The following XPA variants were observed in gnomAD, a reference collection of about 807,000 sequenced individuals.
The protein encoded by XPA is DNA repair protein complementing XP-A cells.
XPA carries 27 observed loss-of-function variants against 35.7 expected under a neutral mutation model. The ratio of observed to expected loss-of-function variants is 0.76; its 90% CI spans 0.56 to 1.04. The LOEUF is 1.04. XPA is among the 50% of genes least tolerant of loss of function. The probability of loss-of-function intolerance (pLI) is 0.00; values close to 1 mark genes in which losing one functional copy is unlikely to be tolerated. For synonymous variants in XPA, 133 were observed against 118.4 expected (o/e 1.12, Z -0.80); for missense variants, 354 against 342.7 (o/e 1.03, Z -0.26).
At chr9:97,684,179 T>C (rs1828634254) in intron 5 of XPA, among the ~76,000 whole-genome samples, 1 of 152,242 alleles carries the variant, frequency 6.6e-6, no homozygotes, top group Non-Finnish European at 1.5e-5. Flanking sequence ...TGACAAACTC[T>C]GACTCCAGAA....
At chr9:97,685,755 C>A (rs1268529694) in intron 4 of XPA, among the ~76,000 whole-genome samples, 1 of 152,144 alleles carries the variant, frequency 6.6e-6, no homozygotes, top group Admixed American at 6.6e-5. Flanking sequence ...TCTGAGACAT[C>A]ACGTTTTCCG....
At chr9:97,675,726 T>G in intron 5 of XPA, 139 bp from the exon 6 acceptor site, 3 of 1,085,312 alleles carry the variant, frequency 2.8e-6, no homozygotes, top group Non-Finnish European at 4.1e-6. Flanking sequence ...ACCTTAATTT[T>G]ATAACAAAGT....
chr9:97,696,885 C>A (rs1370780672), intron 1 of XPA, among the ~76,000 whole-genome samples: 1 of 152,216 alleles, frequency 6.6e-6, no homozygotes, highest in Non-Finnish European at 1.5e-5. Context: ...GAAGAAGGCC[C>A]GGGGCTGGGG....
chr9:97,696,561 C>T (rs1204379698), intron 1 of XPA, among the ~76,000 whole-genome samples: 1 of 152,166 alleles, frequency 6.6e-6, no homozygotes, highest in Non-Finnish European at 1.5e-5. Flanking sequence ...ATTCTGATTG[C>T]TGAATCTCCT....
intron 1 of XPA, among the ~76,000 whole-genome samples, chr9:97,694,642 A>C (rs1828988821): frequency 1.3e-5 from 2 of 152,232 alleles, no homozygotes; most frequent in Admixed American, 1.3e-4. Context: ...GAACAACCAG[A>C]ACTGCCATTT....
chr9:97,668,065 A>T, the XPA span, among the ~76,000 whole-genome samples: 4 of 152,174 alleles, frequency 2.6e-5, no homozygotes, highest in Non-Finnish European at 5.9e-5. Context: ...AGATCAGTAG[A>T]TGGGGCCTTA....
At chr9:97,694,347 A>G (rs1458105250) in intron 1 of XPA, among the ~76,000 whole-genome samples, 1 of 152,258 alleles carries the variant, frequency 6.6e-6, no homozygotes, top group East Asian at 1.9e-4. Context: ...AAACCTTGGA[A>G]AAGGGAGGTC....
chr9:97,680,605 A>G (rs986431863), intron 5 of XPA, among the ~76,000 whole-genome samples: 1 of 152,248 alleles, frequency 6.6e-6, no homozygotes, highest in African/African-American at 2.4e-5. Context: ...GCTTGGCAAA[A>G]TATGTGTGTG....
rs1019535182 is a variant in XPA, at chr9:97,684,921, A to G, written c.673+2T>C. ...TTCACGATATAAAATGTGGCCATCT[A>G]CCTTTTACTTTTTTATCAAATTTCT... On this transcript the variant is annotated splice_donor_variant, in intron 5 of 5. Transcript: ENST00000375128. LOFTEE classifies it high-confidence loss of function. 6.2e-7 allele frequency: 1 copy of G among 1,611,108 alleles called. No homozygotes were observed. The highest frequency in any genetic ancestry group is 8.5e-7 in the Non-Finnish European group (1 of 1,177,596).
chr9:97,680,821 C>T (rs1447088471), intron 5 of XPA, among the ~76,000 whole-genome samples: 1 of 152,132 alleles, frequency 6.6e-6, no homozygotes, highest in East Asian at 1.9e-4. Flanking sequence ...GGTCTGAAAT[C>T]GACTTTCGGG....
the XPA span, among the ~76,000 whole-genome samples, chr9:97,661,793 A>AT: frequency 0.24 from 29,840 of 126,090 alleles, 6,141 homozygotes; most frequent in African/African-American, 0.57. Context: ...AACCTGTGTG[A>AT]TTTTTTTTTT....
At position 97,675,502 on chromosome 9, in the gene XPA, T is replaced by C. The variant is rs531005089; in HGVS notation, c.759A>G (p.Glu253=). The change falls in exon 6 of 6, where the codon GAA becomes GAG. Residue 253 remains glutamate (E), a synonymous_variant. Coordinates refer to ENST00000375128, the MANE Select transcript of XPA (RefSeq NM_000380.4). The part of the protein sequence containing the change: ...QHEYGPEENL[E]DDMYRKTCTM... ...TACAAGTCTTACGGTACATGTCATC[T>C]TCTAGGTTTTCTTCTGGTCCATACT... 6.2e-7 allele frequency: 1 copy of C among 1,614,032 alleles called. No individual in the cohort carries two copies. Among genetic ancestry groups the C allele is most frequent in the Non-Finnish European group, 8.5e-7 (1 of 1,179,968 alleles).
the XPA span, chr9:97,662,250 A>G: frequency 2.2e-5 from 18 of 812,676 alleles, no homozygotes; most frequent in Non-Finnish European, 2.4e-5. Flanking sequence ...AGATCTTAAT[A>G]GTGTATAATT....
rs1381326749 is a variant in XPA, at chr9:97,675,377, C to T, written c.*62G>A. Reference sequence around the variant, plus strand: ...TTTTTTTTTTGAATTTTGAAAAGGACCAATCTAAATTTCCTTTATTTAAAT... The same window carrying T: ...TTTTTTTTTTGAATTTTGAAAAGGATCAATCTAAATTTCCTTTATTTAAAT... On this transcript the variant is annotated 3_prime_UTR_variant, in exon 6 of 6. Transcript: ENST00000375128. The T allele has an allele frequency of 6.7e-7, 1 of 1,501,838 alleles. No homozygotes were observed. Among genetic ancestry groups the T allele is most frequent in the South Asian group, 1.3e-5 (1 of 78,844 alleles). The allele number at this position is 1,501,838 out of a possible 1,614,324, so 93.0% of individuals were successfully genotyped here.
the XPA span, chr9:97,669,584 C>T: frequency 2.5e-6 from 4 of 1,583,176 alleles, no homozygotes; most frequent in South Asian, 1.1e-5. Flanking sequence ...ACTTCTTCTC[C>T]CTTTCCAGCG....
chr9:97,667,241 T>G, the XPA span, among the ~76,000 whole-genome samples: 1 of 152,138 alleles, frequency 6.6e-6, no homozygotes, highest in Non-Finnish European at 1.5e-5. Flanking sequence ...ACTTAACACT[T>G]TCCCCGTACT....
Position 97,687,125 on chromosome 9 carries a change from C to CGG in XPA, c.525_526insCC (p.Gly176ProfsTer4). On this transcript the variant is annotated frameshift_variant, in exon 4 of 6. Transcript: ENST00000375128. LOFTEE classifies it high-confidence loss of function. ...AACTTTAAGTAGAGTTTCATATCAC[C>CGG]CCATTGTGAATGATGTGGATTCTTC... The CGG allele has an allele frequency of 6.2e-7, 1 of 1,611,918 alleles. No individual in the cohort carries two copies. Among genetic ancestry groups the CGG allele is most frequent in the Non-Finnish European group, 8.5e-7 (1 of 1,179,352 alleles).
intron 1 of XPA, 152 bp from the exon 2 acceptor site, chr9:97,693,911 TC>T: frequency 2.7e-6 from 2 of 750,620 alleles, no homozygotes; most frequent in South Asian, 1.7e-5. Flanking sequence ...ATACTGAAGG[TC>T]CCAGCTAGTC....
At position 97,689,541 on chromosome 9, in the gene XPA, T is replaced by G; in HGVS notation, c.382A>C (p.Asn128His). ...ACCATCTAAAATAAGTACCTGCAGT[T>G]ATCACAAGTTGGCAAATCAAAGTGG... is the stretch of plus-strand genomic sequence containing the variant. ...MNHFDLPTCD[N>H]CRDADDKHKL... Residue 128 changes from asparagine (N) to histidine (H), a missense_variant, in exon 3 of 6, where the codon AAC (asparagine) becomes CAC (histidine). Asn to His is a moderately conservative substitution (Grantham distance 68, BLOSUM62 1). Coordinates refer to ENST00000375128, the MANE Select transcript of XPA (RefSeq NM_000380.4). 6.2e-7 allele frequency: 1 copy of G among 1,607,008 alleles called. No homozygotes were observed. Among genetic ancestry groups the G allele is most frequent in the Non-Finnish European group, 8.5e-7 (1 of 1,173,774 alleles).
Sources: allele counts gnomAD v4.1 joint callset (sites outside exome capture counted in the v4.1 genomes callset), GRCh38; gene constraint gnomAD v4.1.1; transcripts MANE v1.5; gene names NCBI Gene and HGNC (gene_info 2026-07-23, HGNC 2026-07-21).